Variants in ANTXR2 observed in about 807,000 individuals in gnomAD.
The protein encoded by ANTXR2 is ANTXR cell adhesion molecule 2, also known as anthrax toxin receptor 2.
ANTXR2 carries 44 observed loss-of-function variants against 73.7 expected under a neutral mutation model. The ratio of observed to expected loss-of-function variants is 0.60; its 90% CI spans 0.47 to 0.77. The LOEUF is 0.77. Among genes scored for constraint, ANTXR2 ranks in the 30% least tolerant of loss-of-function variants. The pLI is 0.00. For synonymous variants in ANTXR2, 217 were observed against 205.9 expected (o/e 1.05, Z -0.46); for missense variants, 604 against 592.5 (o/e 1.02, Z -0.20).
At chr4:79,973,247 C>G (rs1374266149) in intron 16 of ANTXR2, among the ~76,000 whole-genome samples, 1 of 151,886 alleles carries the variant, frequency 6.6e-6, no homozygotes, top group Admixed American at 6.6e-5. Context: ...TAATAATGTA[C>G]AGAAAGCTAT....
chr4:80,054,651 T>C (rs1443108482), intron 6 of ANTXR2, among the ~76,000 whole-genome samples: 4 of 151,652 alleles, frequency 2.6e-5, no homozygotes, highest in Admixed American at 1.3e-4. Context: ...GTCTAAGCCA[T>C]GCTCAAGCAA....
chr4:79,977,111 T>C (rs1316453727), intron 16 of ANTXR2, among the ~76,000 whole-genome samples: 1 of 152,214 alleles, frequency 6.6e-6, no homozygotes, highest in Non-Finnish European at 1.5e-5. Context: ...GTGTGTGTGT[T>C]TATCACTATC....
At chr4:79,976,370 C>T (rs1304437864) in intron 16 of ANTXR2, among the ~76,000 whole-genome samples, 2 of 152,106 alleles carry the variant, frequency 1.3e-5, no homozygotes, top group African/African-American at 4.8e-5. Flanking sequence ...GGACACCAGA[C>T]CTAATTGATG....
At chr4:80,040,870 T>G (rs968039642) in intron 7 of ANTXR2, among the ~76,000 whole-genome samples, 1 of 151,976 alleles carries the variant, frequency 6.6e-6, no homozygotes, top group Non-Finnish European at 1.5e-5. Context: ...TTAAGGAGTA[T>G]TTACAAATAA....
At chr4:79,956,942 T>G (rs1312668183) in intron 16 of ANTXR2, among the ~76,000 whole-genome samples, 1 of 152,056 alleles carries the variant, frequency 6.6e-6, no homozygotes, top group Non-Finnish European at 1.5e-5. Context: ...AAAAACAGAG[T>G]GGATTTATAT....
In ANTXR2 at chr4:79,901,931, C is replaced by T. The variant is rs1471611980; in HGVS notation, c.*5498G>A. 1.3e-5 allele frequency: 2 copies of T among 152,062 alleles called. No homozygotes were observed. Among genetic ancestry groups the T allele is most frequent in the African/African-American group, 2.4e-5 (1 of 41,396 alleles). The allele number at this position is 152,062 out of a possible 1,614,324, so 9.4% of individuals were successfully genotyped here. Reference sequence around the variant, plus strand: ...AGCGACGGGGAATTGCTGTAAATACCCATGAAGTTTCACTTGCTTTCCACT... The same window carrying T: ...AGCGACGGGGAATTGCTGTAAATACTCATGAAGTTTCACTTGCTTTCCACT... On this transcript the variant is annotated 3_prime_UTR_variant, in exon 17 of 17. Transcript: ENST00000403729.
chr4:80,055,905 C>T (rs1312778245), intron 4 of ANTXR2, 27 bp downstream of exon 4: 4 of 1,415,110 alleles, frequency 2.8e-6, no homozygotes, highest in Non-Finnish European at 3.8e-6. Flanking sequence ...CATTCTCTCC[C>T]ATATTTACAA....
rs949709356 is a variant in ANTXR2 at position 80,004,216 on chromosome 4, GA to G, written c.1041+4304del. Among the ~76,000 whole-genome samples the G allele has an allele frequency of 1.0e-4, 15 of 150,584 alleles. 1 individual carries two copies. Among genetic ancestry groups the G allele is most frequent in the Middle Eastern group, 3.4e-3 (1 of 292 alleles). On this transcript the variant is annotated intron_variant, in intron 12 of 16. Coordinates refer to ENST00000403729, the MANE Select transcript of ANTXR2 (RefSeq NM_058172.6). ...AACATTTTTGAAATAAAAAAATTAT[GA>G]AAAAAAATAAAATAAAAAAATAAAA...
chr4:79,934,383 C>T (rs749798279), intron 16 of ANTXR2, among the ~76,000 whole-genome samples: 23 of 152,056 alleles, frequency 1.5e-4, no homozygotes, highest in Non-Finnish European at 2.6e-4. Flanking sequence ...AAAAATTAGC[C>T]GGGCATGGTT....
At chr4:80,054,760 C>G (rs1297355745) in intron 6 of ANTXR2, among the ~76,000 whole-genome samples, 1 of 151,540 alleles carries the variant, frequency 6.6e-6, no homozygotes, top group Non-Finnish European at 1.5e-5. Flanking sequence ...AATGATCAGA[C>G]TTTCATTAGA....
At chr4:80,061,284 C>G (rs1329077696) in intron 3 of ANTXR2, among the ~76,000 whole-genome samples, 1 of 149,178 alleles carries the variant, frequency 6.7e-6, no homozygotes, top group Non-Finnish European at 1.5e-5. Flanking sequence ...GTGTGTGCCT[C>G]TGTGTGTGTG....
At position 80,072,842 on chromosome 4, in the gene ANTXR2, A is replaced by G. The variant is rs550436780; in HGVS notation, c.-282T>C. 2.6e-5 allele frequency: 16 copies of G among 617,926 alleles called. No homozygotes were observed. In the East Asian group the frequency reaches 6.2e-4, roughly 24 times the overall value. 38.3% of individuals were successfully genotyped at this position (617,926 alleles called of 1,614,324 possible). A position where few individuals can be genotyped will look rare whatever the true frequency, so the allele number is the denominator to read the frequency against. On this transcript the variant is annotated 5_prime_UTR_variant, in exon 1 of 17. Coordinates refer to ENST00000403729, the MANE Select transcript of ANTXR2 (RefSeq NM_058172.6). ...AGTCCTCCCCCTCCCGATTCCGGAGAGTTCCTGCAGACAATGCGGGCCCAC... is the reference window on the plus strand; with the variant it reads ...AGTCCTCCCCCTCCCGATTCCGGAGGGTTCCTGCAGACAATGCGGGCCCAC...
At chr4:80,071,713 T>C (rs1734795281) in intron 1 of ANTXR2, 59 bp from the exon 2 acceptor site, 1 of 1,382,578 alleles carries the variant, frequency 7.2e-7, no homozygotes, top group Admixed American at 1.7e-5. Flanking sequence ...AAGTAAACAT[T>C]TTGAAATGGT....
At chr4:79,935,338 C>G (rs560773533) in intron 16 of ANTXR2, among the ~76,000 whole-genome samples, 47 of 148,508 alleles carry the variant, frequency 3.2e-4, no homozygotes, top group South Asian at 1.1e-3. Context: ...CATTTTCCAC[C>G]TTTATGCAGG....
intron 10 of ANTXR2, among the ~76,000 whole-genome samples, chr4:80,021,209 C>T (rs12641356): frequency 0.74 from 110,925 of 149,656 alleles, 41,480 homozygotes; most frequent in East Asian, 0.95. Flanking sequence ...ATAAGAATTC[C>T]GGATGTTTAC....
chr4:80,064,295 A>C (rs1734395173), intron 3 of ANTXR2, among the ~76,000 whole-genome samples: 1 of 152,190 alleles, frequency 6.6e-6, no homozygotes, highest in South Asian at 2.1e-4. Context: ...GATTTGTAAG[A>C]GTAGGAATAA....
At chr4:79,946,242 C>T (rs1274570129) in intron 16 of ANTXR2, among the ~76,000 whole-genome samples, 2 of 151,956 alleles carry the variant, frequency 1.3e-5, no homozygotes, top group African/African-American at 4.8e-5. Flanking sequence ...TCTAGGTATG[C>T]CAAGATAGTA....
At chr4:79,964,598 A>G (rs1052092521) in intron 16 of ANTXR2, 1 of 152,222 alleles carries the variant, frequency 6.6e-6, no homozygotes, top group Non-Finnish European at 1.5e-5. Flanking sequence ...GAGTCAAACT[A>G]CATTAGATCT....
At chr4:79,920,540 G>A (rs764263604) in intron 16 of ANTXR2, among the ~76,000 whole-genome samples, 32 of 152,202 alleles carry the variant, frequency 2.1e-4, no homozygotes, top group Non-Finnish European at 3.8e-4. Context: ...GAGTGCTGGA[G>A]AAGTTGCAAT....
Sources: gnomAD v4.1 joint callset for allele counts (sites outside exome capture counted in the v4.1 genomes callset) on GRCh38, gnomAD v4.1.1 for gene constraint, MANE v1.5 for transcripts, NCBI Gene and HGNC (gene_info 2026-07-23, HGNC 2026-07-21) for gene names.